Variants in POP1 observed in about 807,000 individuals in gnomAD.
POP1 encodes ribonucleases P/MRP protein subunit POP1.
Under a neutral mutation model 102.2 loss-of-function variants are expected in POP1, and 75 were observed. That is an observed-to-expected ratio of 0.73 (90% CI 0.61 to 0.89). The LOEUF is 0.89. POP1 is among the 40% of genes least tolerant of loss of function. The pLI, the probability that POP1 is intolerant of heterozygous loss-of-function variation, is 0.00. For missense variants in POP1, 1,116 were observed against 1,267.4 expected, an observed-to-expected ratio of 0.88 and a Z score of 1.81; for synonymous variants, 436 against 464.1, an observed-to-expected ratio of 0.94 and a Z score of 0.78.
rs1301122181 is a variant in POP1 at position 98,159,650 on chromosome 8, G to A, written c.*1379G>A. Reference sequence around the variant, plus strand: ...GGCACTAAATGGCTTTGGGGGTGATGAGGTGGGGAAGGATACAGCAGGTGG... The same window carrying A: ...GGCACTAAATGGCTTTGGGGGTGATAAGGTGGGGAAGGATACAGCAGGTGG... On this transcript the variant is annotated 3_prime_UTR_variant, in exon 16 of 16. Coordinates refer to ENST00000401707, the MANE Select transcript of POP1 (RefSeq NM_001145860.2). 6.6e-6 allele frequency: 1 copy of A among 152,062 alleles called. No homozygotes were observed. Among genetic ancestry groups the A allele is most frequent in the East Asian group, 1.9e-4 (1 of 5,192 alleles). The allele number at this position is 152,062 out of a possible 1,614,324, so 9.4% of individuals were successfully genotyped here. A position where few individuals can be genotyped will look rare whatever the true frequency, so the allele number is the denominator to read the frequency against.
chr8:98,136,824 T>C lies in POP1; in HGVS notation c.1269-37T>C, dbSNP rs752277184. The C allele has an allele frequency of 1.6e-5, 25 of 1,608,610 alleles. No individual in the cohort carries two copies. The South Asian group carries it at 2.7e-4, about 18-fold the overall frequency. On this transcript the variant is annotated intron_variant, in intron 8 of 15. Transcript: ENST00000401707. ...TGTCAGTGGCACAGATGTTGTGTGA[T>C]GAAAGTTTCCATTTTAAGATGTTCT... is the stretch of plus-strand genomic sequence containing the variant.
chr8:98,158,386 A>C lies in POP1; in HGVS notation c.*115A>C. On this transcript the variant is annotated 3_prime_UTR_variant, in exon 16 of 16. Transcript: ENST00000401707. The stretch of plus-strand genomic sequence containing the variant: ...TATCATGTGAAACTCCCTGGAAACA[A>C]GAATAAAAAATTATGTATTATGCAG... 1.7e-6 allele frequency: 2 copies of C among 1,181,348 alleles called. No homozygotes were observed. The highest frequency in any genetic ancestry group is 2.5e-6 in the Non-Finnish European group (2 of 807,284). The allele number at this position is 1,181,348 out of a possible 1,614,324, so 73.2% of individuals were successfully genotyped here.
At chr8:98,149,067 A>G (rs1014090527) in intron 13 of POP1, 61 bp downstream of exon 13, 5 of 1,457,454 alleles carry the variant, frequency 3.4e-6, no homozygotes, top group Non-Finnish European at 4.7e-6. Context: ...ATAAATGCTA[A>G]GTACTCAAAA....
intron 2 of POP1, among the ~76,000 whole-genome samples, chr8:98,125,581 C>A (rs771305708): frequency 9.9e-5 from 15 of 151,886 alleles, no homozygotes; most frequent in Non-Finnish European, 2.1e-4. Flanking sequence ...TGCTCTGTTG[C>A]CTGGGCTGGA....
In POP1 at chr8:98,148,968, C is replaced by T. The variant is rs757669850; in HGVS notation, c.1864C>T (p.Leu622Phe). 60 of 1,613,556 alleles carry T rather than the reference C, an allele frequency of 3.7e-5. No homozygotes were observed. In the Admixed American group the frequency reaches 1.0e-3, roughly 27 times the overall value. Residue 622 changes from leucine to phenylalanine, a missense_variant, in exon 13 of 16, where the codon CTC becomes TTC. Coordinates refer to ENST00000401707, the MANE Select transcript of POP1 (RefSeq NM_001145860.2). ...CTGGGGAAGTGGCTGGGATGTCCTA[C>T]TCCCAAAGGGCTGGGGCATGGCTTT... The part of the protein sequence containing the change: ...LGWGSGWDVL[L>F]PKGWGMAFWI...
At chr8:98,155,619 T>C (rs1809625364) in intron 14 of POP1, among the ~76,000 whole-genome samples, 1 of 151,740 alleles carries the variant, frequency 6.6e-6, no homozygotes, top group Non-Finnish European at 1.5e-5. Flanking sequence ...TCTCACTCTG[T>C]TGCCCAGGCT....
At chr8:98,126,113 T>C (rs145423009) in intron 2 of POP1, among the ~76,000 whole-genome samples, 321 of 152,024 alleles carry the variant, frequency 2.1e-3, no homozygotes, top group African/African-American at 7.2e-3. Flanking sequence ...CCTCTCAAAG[T>C]TCTGGGATTA....
intron 5 of POP1, among the ~76,000 whole-genome samples, chr8:98,133,049 CAAAA>C (rs35211287): frequency 1.7e-3 from 15 of 8,594 alleles, no homozygotes; most frequent in African/African-American, 3.6e-3. Flanking sequence ...TCTGTCTCTG[CAAAA>C]AAAAAAAAAA....
In POP1 at chr8:98,130,244, G is replaced by C. The variant is rs1251241059; in HGVS notation, c.735+18G>C. 5.6e-6 allele frequency: 9 copies of C among 1,613,968 alleles called. No homozygotes were observed. Among genetic ancestry groups the C allele is most frequent in the Non-Finnish European group, 7.6e-6 (9 of 1,179,986 alleles). On this transcript the variant is annotated intron_variant, in intron 5 of 15. Coordinates refer to ENST00000401707, the MANE Select transcript of POP1 (RefSeq NM_001145860.2). ...TCCTGCAGGTGAGCTTTTCCAGTGG[G>C]CTTTTTTTGTTATTTTTGTTTGATC... is the stretch of plus-strand genomic sequence containing the variant.
chr8:98,146,339 T>A (rs557598454), intron 11 of POP1, among the ~76,000 whole-genome samples: 1 of 152,390 alleles, frequency 6.6e-6, no homozygotes, highest in Admixed American at 6.5e-5. Flanking sequence ...ATTTGCATCT[T>A]ATACATGAAA....
At chr8:98,142,993 C>T (rs1224132083) in intron 11 of POP1, among the ~76,000 whole-genome samples, 1 of 152,120 alleles carries the variant, frequency 6.6e-6, no homozygotes, top group Non-Finnish European at 1.5e-5. Flanking sequence ...ATGAGAAAGC[C>T]TTTTACTGGT....
intron 12 of POP1, 85 bp downstream of exon 12, chr8:98,146,768 A>G (rs989491284): frequency 4.0e-5 from 41 of 1,026,472 alleles, no homozygotes; most frequent in Admixed American, 1.0e-4. Flanking sequence ...AGTTATTCAT[A>G]CTTCATAGAA....
chr8:98,130,150 A>G lies in POP1; in HGVS notation c.659A>G (p.Tyr220Cys), dbSNP rs1289928030. The G allele has an allele frequency of 3.7e-6, 6 of 1,614,078 alleles. No homozygotes were observed. Among genetic ancestry groups the G allele is most frequent in the South Asian group, 1.1e-5 (1 of 91,090 alleles). Residue 220 changes from tyrosine (Y) to cysteine (C), a missense_variant, in exon 5 of 16, where the codon TAC becomes TGC. By Grantham distance (194) the Tyr-to-Cys change is radical. Transcript: ENST00000401707. ...TTTCATATGGTCAAGAAGTGGGGCT[A>G]CTGCCTTGGGGAGAGGCCAACAGTC... ...KRFHMVKKWG[Y>C]CLGERPTVKS...
intron 5 of POP1, among the ~76,000 whole-genome samples, chr8:98,131,405 A>G (rs1307998587): frequency 7.2e-5 from 11 of 152,222 alleles, no homozygotes; most frequent in Admixed American, 7.2e-4. Context: ...CTTAAAATTC[A>G]TCCGTGTTGT....
chr8:98,131,443 T>A (rs920115678), intron 5 of POP1, among the ~76,000 whole-genome samples: 2 of 152,258 alleles, frequency 1.3e-5, no homozygotes, highest in African/African-American at 4.8e-5. Flanking sequence ...CCTTCCCTTT[T>A]AAGGCTGAAG....
chr8:98,127,721 G>C lies in POP1; in HGVS notation c.269G>C (p.Gly90Ala). 6.2e-7 allele frequency: 1 copy of C among 1,614,082 alleles called. No individual in the cohort carries two copies. Among genetic ancestry groups the C allele is most frequent in the South Asian group, 1.1e-5 (1 of 91,080 alleles). The change falls in exon 3 of 16, where the codon GGT becomes GCT. Residue 90 changes from glycine (G) to alanine (A), a missense_variant. Gly to Ala is a moderately conservative substitution (Grantham distance 60). Transcript: ENST00000401707. The stretch of plus-strand genomic sequence containing the variant: ...AGAAAAAAGGGAGGATGGAAAGCAG[G>C]TCCCGAGGGCACGTCTCAGGAGATC... ...MFRKKGGWKA[G>A]PEGTSQEIPK...
At position 98,134,787 on chromosome 8, in the gene POP1, C is replaced by T. The variant is rs535546423; in HGVS notation, c.1011+128C>T. The T allele has an allele frequency of 2.2e-4, 222 of 994,988 alleles. 1 individual carries two copies. In the East Asian group the frequency reaches 5.1e-3, roughly 23 times the overall value. The allele number at this position is 994,988 out of a possible 1,614,324, so 61.6% of individuals were successfully genotyped here. The stretch of plus-strand genomic sequence containing the variant: ...TAGTCTGATATTTGTATATGGGGGG[C>T]TCTATGATTATTGAATGAAGTGAAT... On this transcript the variant is annotated intron_variant, in intron 7 of 15. Coordinates refer to ENST00000401707, the MANE Select transcript of POP1 (RefSeq NM_001145860.2).
At chr8:98,155,909 T>TTTTGTG (rs1554627220) in intron 14 of POP1, 141 bp from the exon 15 acceptor site, 1 of 517,720 alleles carries the variant, frequency 1.9e-6, no homozygotes, top group African/African-American at 2.1e-5. Flanking sequence ...TGGAAAGCTT[T>TTTTGTG]TGTGTGTGTG....
chr8:98,136,155 A>G (rs1173662510), intron 7 of POP1, among the ~76,000 whole-genome samples: 1 of 151,852 alleles, frequency 6.6e-6, no homozygotes, highest in Non-Finnish European at 1.5e-5. Flanking sequence ...ATCTCAGCTC[A>G]CTGCAACCTC....
Sources: gnomAD v4.1 joint callset for allele counts (sites outside exome capture counted in the v4.1 genomes callset) on GRCh38, gnomAD v4.1.1 for gene constraint, MANE v1.5 for transcripts, NCBI Gene and HGNC (gene_info 2026-07-23, HGNC 2026-07-21) for gene names.